Variants in SKAP1 observed in about 807,000 individuals in gnomAD.
SKAP1 encodes the protein src kinase associated phosphoprotein 1.
Under a neutral mutation model 58.5 loss-of-function variants are expected in SKAP1, and 44 were observed. That is an observed-to-expected ratio of 0.75 (90% CI 0.59 to 0.97). The LOEUF is 0.97. Ranked by LOEUF, SKAP1 falls within the 50% of genes least tolerant of loss-of-function variation. The pLI, the probability that SKAP1 is intolerant of heterozygous loss-of-function variation, is 0.00. For synonymous variants in SKAP1, 127 were observed against 149.7 expected, an observed-to-expected ratio of 0.85 and a Z score of 1.11; for missense variants, 390 against 435.2, an observed-to-expected ratio of 0.90 and a Z score of 0.92.
At position 48,201,547 on chromosome 17, in the gene SKAP1, C is replaced by T. The variant is rs1447355495; in HGVS notation, c.281-12047G>A. On this transcript the variant is annotated intron_variant, in intron 4 of 12. Coordinates refer to ENST00000336915, the MANE Select transcript of SKAP1 (RefSeq NM_003726.4). ...ACTTGGTGTGCACCGCCACACTTGGCTAATTTATTTCTTATTTTTGGTAGA... is the reference window on the plus strand; with the variant it reads ...ACTTGGTGTGCACCGCCACACTTGGTTAATTTATTTCTTATTTTTGGTAGA... Among the ~76,000 whole-genome samples the T allele has an allele frequency of 4.4e-4, 67 of 152,070 alleles. 1 individual carries two copies. The highest frequency in any genetic ancestry group is 8.8e-5 in the Non-Finnish European group (6 of 68,010).
chr17:48,237,030 GACTC>G (rs1363947220), intron 4 of SKAP1, among the ~76,000 whole-genome samples: 1 of 152,140 alleles, frequency 6.6e-6, no homozygotes, highest in Admixed American at 6.5e-5. Context: ...GAGGATAAGT[GACTC>G]ACTCATGATC....
At position 48,365,202 on chromosome 17, in the gene SKAP1, C is replaced by A. The variant is rs535909335; in HGVS notation, c.153-1388G>T. On this transcript the variant is annotated intron_variant, in intron 2 of 12. Coordinates refer to ENST00000336915, the MANE Select transcript of SKAP1 (RefSeq NM_003726.4). ...GGCTTAAGCAATCCTCCCACTTTGG[C>A]ATCCCAAAGTGTTGGGATTGCAGGG... 2.0e-5 allele frequency among the ~76,000 whole-genome samples: 3 copies of A among 152,262 alleles called. No homozygotes were observed. The East Asian group carries it at 5.8e-4, about 29-fold the overall frequency.
intron 2 of SKAP1, among the ~76,000 whole-genome samples, chr17:48,372,305 T>A (rs1158809928): frequency 1.3e-5 from 2 of 150,618 alleles, no homozygotes; most frequent in South Asian, 4.2e-4. Context: ...TGTGTTATTT[T>A]ATTTATTTAT....
At chr17:48,312,410 TTAGGATGACG>T (rs2066234339) in intron 4 of SKAP1, among the ~76,000 whole-genome samples, 1 of 152,246 alleles carries the variant, frequency 6.6e-6, no homozygotes, top group African/African-American at 2.4e-5. Context: ...AAAGAATGTA[TTAGGATGACG>T]TAGAATCCAG....
intron 3 of SKAP1, among the ~76,000 whole-genome samples, chr17:48,354,287 C>T (rs1305820957): frequency 6.6e-6 from 1 of 152,204 alleles, no homozygotes; most frequent in Admixed American, 6.5e-5. Flanking sequence ...TCATTATCAA[C>T]AGCCAAAACC....
the SKAP1 span, among the ~76,000 whole-genome samples, chr17:48,442,314 A>G: frequency 0.092 from 13,985 of 152,196 alleles, 985 homozygotes; most frequent in African/African-American, 0.17. Flanking sequence ...TCTGGAAGAA[A>G]TGGGTAGGTT....
chr17:48,196,201 C>T (rs2064626935), intron 4 of SKAP1, among the ~76,000 whole-genome samples: 1 of 152,148 alleles, frequency 6.6e-6, no homozygotes, highest in African/African-American at 2.4e-5. Flanking sequence ...ATACTCTGAG[C>T]TTCAGACATG....
chr17:48,420,959 T>C (rs573052617), intron 1 of SKAP1, among the ~76,000 whole-genome samples: 63 of 152,220 alleles, frequency 4.1e-4, no homozygotes, highest in African/African-American at 1.5e-3. Flanking sequence ...AAATCACCCC[T>C]GTTGGCAACC....
chr17:48,338,755 C>T (rs7216202), intron 4 of SKAP1, among the ~76,000 whole-genome samples: 90,152 of 152,016 alleles, frequency 0.59, 27,082 homozygotes, highest in African/African-American at 0.68. Context: ...ATAATTGTTA[C>T]TGTTTTTTAA....
intron 4 of SKAP1, among the ~76,000 whole-genome samples, chr17:48,332,593 G>A (rs1409168247): frequency 6.6e-6 from 1 of 152,052 alleles, no homozygotes; most frequent in Non-Finnish European, 1.5e-5. Context: ...AAACTTGCCA[G>A]CCCACCTCAG....
chr17:48,205,716 C>A (rs1264752597), intron 4 of SKAP1, among the ~76,000 whole-genome samples: 1 of 152,120 alleles, frequency 6.6e-6, no homozygotes, highest in Non-Finnish European at 1.5e-5. Flanking sequence ...CACTGAAATT[C>A]TCCACAGCAA....
chr17:48,394,713 A>G (rs2067394224), intron 2 of SKAP1, among the ~76,000 whole-genome samples: 1 of 152,180 alleles, frequency 6.6e-6, no homozygotes, highest in African/African-American at 2.4e-5. Context: ...TGGGGGACAT[A>G]TAACTGCCAC....
chr17:48,359,651 T>C (rs1484337986), intron 3 of SKAP1, among the ~76,000 whole-genome samples: 1 of 152,166 alleles, frequency 6.6e-6, no homozygotes, highest in Non-Finnish European at 1.5e-5. Flanking sequence ...CGGTCTCCTA[T>C]GCTGAAGTGC....
chr17:48,327,773 G>A (rs769741731), intron 4 of SKAP1, among the ~76,000 whole-genome samples: 17 of 152,054 alleles, frequency 1.1e-4, no homozygotes, highest in African/African-American at 3.1e-4. Context: ...CTACAGGTGC[G>A]TGCCACCACA....
chr17:48,149,038 T>C (rs2143124088), intron 11 of SKAP1, among the ~76,000 whole-genome samples: 1 of 152,296 alleles, frequency 6.6e-6, no homozygotes, highest in South Asian at 2.1e-4. Context: ...TAGGGTGATG[T>C]GTTCATTTGG....
intron 4 of SKAP1, among the ~76,000 whole-genome samples, chr17:48,198,027 T>C (rs1426435588): frequency 6.6e-6 from 1 of 152,200 alleles, no homozygotes; most frequent in Non-Finnish European, 1.5e-5. Context: ...TAATAATCAA[T>C]ACTTTCTGGT....
chr17:48,281,591 A>C (rs535632116), intron 4 of SKAP1, among the ~76,000 whole-genome samples: 1 of 152,346 alleles, frequency 6.6e-6, no homozygotes, highest in Non-Finnish European at 1.5e-5. Context: ...AGGAAAATCT[A>C]ATTTAGGTAT....
intron 4 of SKAP1, among the ~76,000 whole-genome samples, chr17:48,265,922 A>T (rs948033144): frequency 6.6e-6 from 1 of 152,188 alleles, no homozygotes; most frequent in African/African-American, 2.4e-5. Flanking sequence ...ACTTATTTTT[A>T]AAACCTCTTT....
chr17:48,361,834 C>A (rs1434336061), intron 3 of SKAP1, among the ~76,000 whole-genome samples: 1 of 152,128 alleles, frequency 6.6e-6, no homozygotes, highest in Non-Finnish European at 1.5e-5. Flanking sequence ...TATTTCTAAT[C>A]TTTTCATAAT....
Sources: gnomAD v4.1 joint callset for allele counts (sites outside exome capture counted in the v4.1 genomes callset) on GRCh38, gnomAD v4.1.1 for gene constraint, MANE v1.5 for transcripts, NCBI Gene and HGNC (gene_info 2026-07-23, HGNC 2026-07-21) for gene names.